The following RYR2 variants were observed in gnomAD, a reference collection of about 807,000 sequenced individuals.
The protein encoded by RYR2 is ryanodine receptor 2.
In RYR2, 227 loss-of-function variants were observed where a neutral mutation model predicts 601.1. The observed-to-expected ratio is 0.38, with a 90% CI of 0.34 to 0.42. The LOEUF is 0.42. Among genes scored for constraint, RYR2 ranks in the 10% least tolerant of loss-of-function variants. RYR2 has a pLI of 1.00. For synonymous variants in RYR2, 2,223 were observed against 2,175.1 expected (o/e 1.02, Z -0.61); for missense variants, 4,646 against 6,156.5 (o/e 0.75, Z 8.21).
chr1:237,112,300 G>A (rs948452948), intron 1 of RYR2, among the ~76,000 whole-genome samples: 2 of 152,138 alleles, frequency 1.3e-5, no homozygotes, highest in African/African-American at 4.8e-5. Flanking sequence ...TTTTAGTAGA[G>A]ATGGGGTTTC....
At chr1:237,463,326 T>A (rs1572436571) in intron 16 of RYR2, among the ~76,000 whole-genome samples, 2 of 152,070 alleles carry the variant, frequency 1.3e-5, no homozygotes, top group Non-Finnish European at 2.9e-5. Context: ...AATCAGTATT[T>A]GTTGCATAAA....
intron 1 of RYR2, among the ~76,000 whole-genome samples, chr1:237,165,477 C>T (rs1291088970): frequency 1.3e-5 from 2 of 152,096 alleles, no homozygotes; most frequent in Non-Finnish European, 2.9e-5. Context: ...AAAAATTGGG[C>T]CCTAGCTTTC....
At chr1:237,344,206 T>C (rs1165959671) in intron 3 of RYR2, among the ~76,000 whole-genome samples, 1 of 152,220 alleles carries the variant, frequency 6.6e-6, no homozygotes, top group Non-Finnish European at 1.5e-5. Flanking sequence ...ATCCAGCTAA[T>C]GATCGGATTA....
chr1:237,115,460 A>G (rs931579290), intron 1 of RYR2, among the ~76,000 whole-genome samples: 6 of 152,200 alleles, frequency 3.9e-5, no homozygotes, highest in African/African-American at 9.7e-5. Flanking sequence ...TCCAACACAA[A>G]GGAGTAATCA....
At chr1:237,621,247 C>T (rs377290133) in intron 38 of RYR2, among the ~76,000 whole-genome samples, 66 of 151,990 alleles carry the variant, frequency 4.3e-4, no homozygotes, top group African/African-American at 1.4e-3. Flanking sequence ...AAAATTTTTG[C>T]CACAGCTAAA....
rs747558279 is a variant in RYR2 at position 237,423,250 on chromosome 1, T to C, written c.1005+2T>C. On this transcript the variant is annotated splice_donor_variant, in intron 12 of 104. Coordinates refer to ENST00000366574, the MANE Select transcript of RYR2 (RefSeq NM_001035.3). LOFTEE classifies it high-confidence loss of function. ...GCATTTACCTTCCGGTCTTCCAAGG[T>C]GAGACAGAAAATATTTTGGGTTTCC... 1 of 1,611,410 alleles carries C rather than the reference T, an allele frequency of 6.2e-7. No individual in the cohort carries two copies. Among genetic ancestry groups the C allele is most frequent in the Non-Finnish European group, 8.5e-7 (1 of 1,179,138 alleles).
intron 2 of RYR2, among the ~76,000 whole-genome samples, chr1:237,312,093 CAT>C (rs1368588740): frequency 2.6e-5 from 4 of 152,136 alleles, no homozygotes; most frequent in Middle Eastern, 3.4e-3. Flanking sequence ...CTGAAGGAAA[CAT>C]AGAGACAATA....
intron 24 of RYR2, 55 bp downstream of exon 24, chr1:237,511,846 A>C (rs934471277): frequency 1.5e-5 from 15 of 1,005,052 alleles, no homozygotes; most frequent in East Asian, 6.0e-5. Flanking sequence ...AAAAAAAAAA[A>C]AAAAAAAAAA....
At chr1:237,100,846 G>T (rs1668006520) in intron 1 of RYR2, among the ~76,000 whole-genome samples, 1 of 152,144 alleles carries the variant, frequency 6.6e-6, no homozygotes. Flanking sequence ...CCCGGCCCCT[G>T]GGAAACTCAC....
At chr1:237,331,312 A>C (rs532157425) in intron 3 of RYR2, among the ~76,000 whole-genome samples, 50 of 152,252 alleles carry the variant, frequency 3.3e-4, no homozygotes, top group African/African-American at 1.1e-3. Context: ...AGCTTTATGC[A>C]TGGCTATTTG....
intron 80 of RYR2, among the ~76,000 whole-genome samples, chr1:237,747,009 G>A (rs187106184): frequency 6.6e-6 from 1 of 152,116 alleles, no homozygotes; most frequent in African/African-American, 2.4e-5. Flanking sequence ...ACATTCTTTA[G>A]ATGGTTACTT....
intron 1 of RYR2, among the ~76,000 whole-genome samples, chr1:237,137,652 G>A (rs538129799): frequency 5.3e-5 from 8 of 152,280 alleles, no homozygotes; most frequent in East Asian, 3.9e-4. Flanking sequence ...GATGTGCGAC[G>A]TGGCATCCAT....
At chr1:237,785,781 G>T (rs2149359382) in intron 90 of RYR2, among the ~76,000 whole-genome samples, 188 bp from the exon 91 acceptor site, 1 of 152,290 alleles carries the variant, frequency 6.6e-6, no homozygotes, top group Non-Finnish European at 1.5e-5. Context: ...GGTGCAGTAG[G>T]TCAGTGTGCA....
At chr1:237,627,239 A>C (rs2148664115) in intron 40 of RYR2, among the ~76,000 whole-genome samples, 1 of 152,330 alleles carries the variant, frequency 6.6e-6, no homozygotes, top group East Asian at 1.9e-4. Flanking sequence ...TGTATGTAGT[A>C]ACTTTTCGCT....
In RYR2 at chr1:237,391,392, A is replaced by T. The variant is rs193260715; in HGVS notation, c.773+3209A>T. 1.4e-3 allele frequency among the ~76,000 whole-genome samples: 218 copies of T among 152,222 alleles called. 1 individual carries two copies. The highest frequency in any genetic ancestry group is 4.5e-3 in the African/African-American group (187 of 41,554). The stretch of plus-strand genomic sequence containing the variant: ...AGGTCCTGGGAAATATGTAAAAAAA[A>T]TTTTTTACCTTATAATTCTTTCCTG... On this transcript the variant is annotated intron_variant, in intron 10 of 104. Transcript: ENST00000366574.
At chr1:237,589,312 A>G (rs969225419) in intron 29 of RYR2, among the ~76,000 whole-genome samples, 16 of 152,290 alleles carry the variant, frequency 1.1e-4, no homozygotes, top group Middle Eastern at 3.4e-3. Context: ...TTCTTGAGCT[A>G]TGTATGAGGA....
intron 82 of RYR2, 83 bp downstream of exon 82, chr1:237,757,859 T>C: frequency 1.1e-6 from 1 of 913,034 alleles, no homozygotes; most frequent in Non-Finnish European, 1.8e-6. Context: ...TAAAATGTTT[T>C]ATTTTCTATG....
rs772471250 is a variant in RYR2 at position 237,614,663 on chromosome 1, G to T, written c.5535G>T (p.Leu1845Phe). ...HNEDLKHILQ[L>F]IEPSVFKEAA... is the part of the protein sequence containing the mutation. ...AGGACTTGAAGCACATCTTGCAGTT[G>T]ATTGAGCCCAGTGTGTTTAAAGAAG... The change falls in exon 37 of 105, where the codon TTG becomes TTT. Residue 1845 changes from leucine to phenylalanine, a missense_variant. By Grantham distance (22) the Leu-to-Phe change is conservative. Around this residue, in one of 17 missense-constraint regions of RYR2, gnomAD observed 1,807 missense variants for 2,088.1 expected, o/e 0.87. Transcript: ENST00000366574. The surrounding 1 kb of genome is among the most constrained non-coding windows in gnomAD (Gnocchi z 4.3). The T allele has an allele frequency of 1.9e-6, 3 of 1,613,888 alleles. No homozygotes were observed.
intron 16 of RYR2, among the ~76,000 whole-genome samples, chr1:237,465,501 TG>T (rs1360170775): frequency 6.6e-6 from 1 of 152,202 alleles, no homozygotes. Context: ...TACGGTCATG[TG>T]TCACTTACTC....
Sources: gnomAD v4.1 joint callset for allele counts (sites outside exome capture counted in the v4.1 genomes callset) on GRCh38, gnomAD v4.1.1 for gene constraint, gnomAD v4.1.1 regional missense constraint, Gnocchi (gnomAD v3.1) non-coding constraint, MANE v1.5 for transcripts, NCBI Gene and HGNC (gene_info 2026-07-23, HGNC 2026-07-21) for gene names.